The following PWP2 variants were observed in gnomAD, a reference collection of about 807,000 sequenced individuals.
PWP2 encodes PWP2 small subunit processome component, also known as periodic tryptophan protein 2 homolog.
For synonymous variants in PWP2, 24 were observed against 45.4 expected, an observed-to-expected ratio of 0.53 and a Z score of 1.89; for missense variants, 35 against 114.1, an observed-to-expected ratio of 0.31 and a Z score of 3.16.
intron 2 of PWP2, among the ~76,000 whole-genome samples, chr21:44,112,150 G>A (rs541708589): frequency 5.3e-5 from 4 of 74,852 alleles, no homozygotes; most frequent in African/African-American, 1.2e-4. Flanking sequence ...GATTGACTCC[G>A]GTTTTGAAAG....
chr21:44,120,138 T>C (rs138547638), intron 10 of PWP2, among the ~76,000 whole-genome samples: 114 of 6,186 alleles, frequency 0.018, 10 homozygotes, highest in African/African-American at 0.041. Flanking sequence ...GTCTCAGGGA[T>C]GGGGTTTCAG....
Position 44,127,945 on chromosome 21 carries a change from G to A in PWP2, c.2154G>A (p.Ala718=), listed in dbSNP as rs763548182. ...TTAATTTCCCAGGGCGCTGCTGGGC[G>A]GCCACCACCACGGAGGGACTCCTCA... ...LRFSPTGRCW[A]ATTTEGLLIY... The change falls in exon 18 of 21, where the codon GCG becomes GCA. Residue 718 remains alanine (A), a synonymous_variant. Coordinates refer to ENST00000291576, the MANE Select transcript of PWP2 (RefSeq NM_005049.3). The A allele has an allele frequency of 2.9e-5, 3 of 102,990 alleles. 1 individual carries two copies. Among genetic ancestry groups the A allele is most frequent in the East Asian group, 2.6e-4 (2 of 7,606 alleles). 6.4% of individuals were successfully genotyped at this position (102,990 alleles called of 1,614,324 possible).
At position 44,129,025 on chromosome 21, in the gene PWP2, C is replaced by T. The variant is rs1464610854; in HGVS notation, c.2585+399C>T. On this transcript the variant is annotated intron_variant, in intron 20 of 20. Transcript: ENST00000291576. ...GCAGCCTGGAGTCCTGGAGGTGTGGCTGCCCTGAGCTGTGGCTCCCCTAGA... is the reference window on the plus strand; with the variant it reads ...GCAGCCTGGAGTCCTGGAGGTGTGGTTGCCCTGAGCTGTGGCTCCCCTAGA... Among the ~76,000 whole-genome samples, 2 of 69,758 alleles carry T rather than the reference C, an allele frequency of 2.9e-5. 1 individual carries two copies. The highest frequency in any genetic ancestry group is 3.1e-4 in the Admixed American group (2 of 6,448). The allele number at this position is 69,758 out of a possible 152,430, so 45.8% of individuals were successfully genotyped here. A position where few individuals can be genotyped will look rare whatever the true frequency, so the allele number is the denominator to read the frequency against.
rs1441223071 is a variant in PWP2, at chr21:44,128,166, G to A, written c.2359+16G>A. 2.9e-5 allele frequency: 1 copy of A among 34,320 alleles called. No individual in the cohort carries two copies. The highest frequency in any genetic ancestry group is 3.5e-4 in the East Asian group (1 of 2,846). 2.1% of individuals were successfully genotyped at this position (34,320 alleles called of 1,614,324 possible). On this transcript the variant is annotated intron_variant, in intron 18 of 20. Coordinates refer to ENST00000291576, the MANE Select transcript of PWP2 (RefSeq NM_005049.3). ...AGGGGCGAGAGTGAGTTGGGGCTTC[G>A]GTGTCGGGCGCCGGGGTCATCCTCT...
At position 44,128,817 on chromosome 21, in the gene PWP2, C is replaced by T. The variant is rs149213445; in HGVS notation, c.2585+191C>T. Among the ~76,000 whole-genome samples the T allele has an allele frequency of 8.6e-3, 648 of 75,282 alleles. 165 individuals are homozygous for T. Among genetic ancestry groups the T allele is most frequent in the African/African-American group, 0.017 (590 of 34,416 alleles). The allele number at this position is 75,282 out of a possible 152,430, so 49.4% of individuals were successfully genotyped here. The stretch of plus-strand genomic sequence containing the variant: ...TTGAGCAGCTTGGGAAATGGCCTGG[C>T]GCTGAATGGAAAGCAGTGAGCACTG... On this transcript the variant is annotated intron_variant, in intron 20 of 20. Transcript: ENST00000291576.
In PWP2 at chr21:44,107,432, C is replaced by G. The variant is rs1489232638; in HGVS notation, c.16C>G (p.Arg6Gly). 7.2e-7 allele frequency: 1 copy of G among 1,398,586 alleles called. No homozygotes were observed. The highest frequency in any genetic ancestry group is 9.5e-7 in the Non-Finnish European group (1 of 1,053,720). 86.6% of individuals were successfully genotyped at this position (1,398,586 alleles called of 1,614,324 possible). ...GACGGCCGTGATGAAGTTCGCTTAC[C>G]GGGTGAGCGCGGGCGGCGGGCGGTC... MKFAY[R>G]FSNLLGTVYR... The change falls in exon 1 of 21, where the codon CGG (arginine) becomes GGG (glycine). Residue 6 changes from arginine to glycine, a missense_variant and splice_region_variant. Transcript: ENST00000291576.
Position 44,117,040 on chromosome 21 carries a change from T to C in PWP2, c.837-780T>C, listed in dbSNP as rs978252223. 3.7e-4 allele frequency among the ~76,000 whole-genome samples: 21 copies of C among 57,234 alleles called. 5 individuals carry two copies. The highest frequency in any genetic ancestry group is 7.7e-4 in the African/African-American group (21 of 27,106). 37.5% of individuals were successfully genotyped at this position (57,234 alleles called of 152,430 possible). ...TGCCAAGGGCAGCGGAGTTGGAGGG[T>C]GGCCAGAACAGGTCCAAGTGGGTCA... is the stretch of plus-strand genomic sequence containing the variant. On this transcript the variant is annotated intron_variant, in intron 7 of 20. Coordinates refer to ENST00000291576, the MANE Select transcript of PWP2 (RefSeq NM_005049.3).
At chr21:44,112,445 CAG>C (rs1166116791) in intron 2 of PWP2, among the ~76,000 whole-genome samples, 2 of 47,514 alleles carry the variant, frequency 4.2e-5, no homozygotes, top group African/African-American at 9.1e-5. Flanking sequence ...TTGCTTTAGA[CAG>C]AATGCTTGTG....
Position 44,118,682 on chromosome 21 carries a change from G to A in PWP2, c.981-81G>A, listed in dbSNP as rs1280128463. The A allele has an allele frequency of 5.9e-6, 2 of 341,700 alleles. 1 individual carries two copies. Among genetic ancestry groups the A allele is most frequent in the East Asian group, 1.0e-4 (2 of 19,938 alleles). 21.2% of individuals were successfully genotyped at this position (341,700 alleles called of 1,614,324 possible). On this transcript the variant is annotated intron_variant, in intron 8 of 20. Transcript: ENST00000291576. ...GCTCTGCACACAGGGATAGAATCTG[G>A]TGTCTGGGGCTGCCCTGAGTGGGCA...
chr21:44,117,108 G>A lies in PWP2; in HGVS notation c.837-712G>A, dbSNP rs1346299508. Among the ~76,000 whole-genome samples the A allele has an allele frequency of 6.9e-5, 5 of 72,374 alleles. 2 individuals are homozygous for A. Among genetic ancestry groups the A allele is most frequent in the African/African-American group, 1.5e-4 (5 of 33,038 alleles). The allele number at this position is 72,374 out of a possible 152,430, so 47.5% of individuals were successfully genotyped here. A position where few individuals can be genotyped will look rare whatever the true frequency, so the allele number is the denominator to read the frequency against. ...AGTGCCCGCGGGTGGGTCAGTGCCC[G>A]TGAGTCCGTGCCCGTCAGTGCCCGC... is the stretch of plus-strand genomic sequence containing the variant. On this transcript the variant is annotated intron_variant, in intron 7 of 20. Coordinates refer to ENST00000291576, the MANE Select transcript of PWP2 (RefSeq NM_005049.3).
chr21:44,107,583 C>T, intron 1 of PWP2, 149 bp downstream of exon 1: 1 of 185,702 alleles, frequency 5.4e-6, no homozygotes, highest in East Asian at 7.4e-5. Context: ...GCGCCCGTGG[C>T]CTCGGGGACG....
In PWP2 at chr21:44,119,339, C is replaced by T. The variant is rs149192996; in HGVS notation, c.1052-48C>T. On this transcript the variant is annotated intron_variant, in intron 9 of 20. Coordinates refer to ENST00000291576, the MANE Select transcript of PWP2 (RefSeq NM_005049.3). ...GGGAAGGTGGGCCGGGCCAGTCTGACCTGGGGTGGGCCTGAGCCGGGTACC... is the reference window on the plus strand; with the variant it reads ...GGGAAGGTGGGCCGGGCCAGTCTGATCTGGGGTGGGCCTGAGCCGGGTACC... 2,591 of 538,874 alleles carry T rather than the reference C, an allele frequency of 4.8e-3. 769 individuals carry two copies. The highest frequency in any genetic ancestry group is 0.037 in the Middle Eastern group (61 of 1,660). 33.4% of individuals were successfully genotyped at this position (538,874 alleles called of 1,614,324 possible).
At position 44,119,029 on chromosome 21, in the gene PWP2, CCCT is replaced by C; in HGVS notation, c.1051+202_1051+204del. On this transcript the variant is annotated intron_variant, in intron 9 of 20. Coordinates refer to ENST00000291576, the MANE Select transcript of PWP2 (RefSeq NM_005049.3). ...CAGCTGTCTGCCATGGGGTGCCCTC[CCCT>C]CCTCCAGCCACCTTTCAGGGGGTGC... is the stretch of plus-strand genomic sequence containing the variant. The C allele has an allele frequency of 9.8e-6, 2 of 204,024 alleles. 1 individual carries two copies. Among genetic ancestry groups the C allele is most frequent in the East Asian group, 1.5e-4 (2 of 13,766 alleles). 12.6% of individuals were successfully genotyped at this position (204,024 alleles called of 1,614,324 possible).
At position 44,117,203 on chromosome 21, in the gene PWP2, G is replaced by A. The variant is rs139156101; in HGVS notation, c.837-617G>A. 3.5e-3 allele frequency among the ~76,000 whole-genome samples: 236 copies of A among 68,168 alleles called. 71 individuals carry two copies. The highest frequency in any genetic ancestry group is 0.012 in the Admixed American group (77 of 6,244). 44.7% of individuals were successfully genotyped at this position (68,168 alleles called of 152,430 possible). On this transcript the variant is annotated intron_variant, in intron 7 of 20. Transcript: ENST00000291576. ...CTGGAGGAAGAGGAAGGGATGATGGGCCCCCCAACCCCGCCCTGGGGAAGG... is the reference window on the plus strand; with the variant it reads ...CTGGAGGAAGAGGAAGGGATGATGGACCCCCCAACCCCGCCCTGGGGAAGG...
chr21:44,119,557 G>C, intron 10 of PWP2, 34 bp downstream of exon 10: 1 of 543,414 alleles, frequency 1.8e-6, no homozygotes, highest in East Asian at 5.7e-5. Flanking sequence ...TGGCCTCTGT[G>C]CCTGGGGGGC....
chr21:44,129,088 C>T (rs973553574), intron 20 of PWP2, among the ~76,000 whole-genome samples: 4 of 72,244 alleles, frequency 5.5e-5, no homozygotes, highest in African/African-American at 1.2e-4. Context: ...GATTCATCCG[C>T]GGGCCTAGGA....
Position 44,119,050 on chromosome 21 carries a change from G to T in PWP2, c.1051+217G>T, listed in dbSNP as rs1026193676. On this transcript the variant is annotated intron_variant, in intron 9 of 20. Coordinates refer to ENST00000291576, the MANE Select transcript of PWP2 (RefSeq NM_005049.3). ...CCTCCCCTCCTCCAGCCACCTTTCAGGGGGTGCCTTCTTCTCTTCCAGCTG... is the reference window on the plus strand; with the variant it reads ...CCTCCCCTCCTCCAGCCACCTTTCATGGGGTGCCTTCTTCTCTTCCAGCTG... The T allele has an allele frequency of 5.5e-5, 11 of 200,664 alleles. 1 individual carries two copies. Among genetic ancestry groups the T allele is most frequent in the African/African-American group, 2.7e-4 (11 of 41,448 alleles). The allele number at this position is 200,664 out of a possible 1,614,324, so 12.4% of individuals were successfully genotyped here.
At position 44,129,101 on chromosome 21, in the gene PWP2, G is replaced by A. The variant is rs1467512829; in HGVS notation, c.2585+475G>A. On this transcript the variant is annotated intron_variant, in intron 20 of 20. Coordinates refer to ENST00000291576, the MANE Select transcript of PWP2 (RefSeq NM_005049.3). ...AGGATTCATCCGCGGGCCTAGGACA[G>A]GGCCTGGCCCTCCGCAGTGCTCACT... Among the ~76,000 whole-genome samples, 2 of 72,628 alleles carry A rather than the reference G, an allele frequency of 2.8e-5. 1 individual carries two copies. Among genetic ancestry groups the A allele is most frequent in the Non-Finnish European group, 9.1e-5 (2 of 22,076 alleles). 47.6% of individuals were successfully genotyped at this position (72,628 alleles called of 152,430 possible). A position where few individuals can be genotyped will look rare whatever the true frequency, so the allele number is the denominator to read the frequency against.
At position 44,119,608 on chromosome 21, in the gene PWP2, A is replaced by G. The variant is rs576678651; in HGVS notation, c.1188+85A>G. 8.1e-6 allele frequency: 2 copies of G among 246,856 alleles called. 1 individual carries two copies. The highest frequency in any genetic ancestry group is 1.6e-5 in the Non-Finnish European group (2 of 128,422). The allele number at this position is 246,856 out of a possible 1,614,324, so 15.3% of individuals were successfully genotyped here. Reference sequence around the variant, plus strand: ...GTCTGTGGGGCCGTGTCTTGACGGTAGGGCTGGTGTTCACAGCTTCACCCG... The same window carrying G: ...GTCTGTGGGGCCGTGTCTTGACGGTGGGGCTGGTGTTCACAGCTTCACCCG... On this transcript the variant is annotated intron_variant, in intron 10 of 20. Coordinates refer to ENST00000291576, the MANE Select transcript of PWP2 (RefSeq NM_005049.3).
Sources: gnomAD v4.1 joint callset for allele counts (sites outside exome capture counted in the v4.1 genomes callset) on GRCh38, gnomAD v4.1.1 for gene constraint, MANE v1.5 for transcripts, NCBI Gene and HGNC (gene_info 2026-07-23, HGNC 2026-07-21) for gene names.